The following SHISA9 variants were observed in gnomAD, a reference collection of about 807,000 sequenced individuals.
SHISA9 encodes the protein shisa family member 9.
A neutral mutation model predicts 38.0 loss-of-function variants in SHISA9; 13 were observed. The observed-to-expected ratio is 0.34, with a 90% CI of 0.22 to 0.54. SHISA9 has a LOEUF of 0.54. Ranked by LOEUF, SHISA9 falls within the 20% of genes least tolerant of loss-of-function variation. SHISA9 has a pLI of 0.91. For synonymous variants in SHISA9, 275 were observed against 242.0 expected (o/e 1.14, Z -1.27); for missense variants, 538 against 575.8 (o/e 0.93, Z 0.67).
At chr16:13,101,542 G>A (rs1486536163) in intron 2 of SHISA9, among the ~76,000 whole-genome samples, 2 of 152,218 alleles carry the variant, frequency 1.3e-5, no homozygotes, top group East Asian at 1.9e-4. Context: ...CAACAATCAT[G>A]TTGTGTTTGG....
chr16:13,274,555 T>G, the SHISA9 span, among the ~76,000 whole-genome samples: 1 of 152,276 alleles, frequency 6.6e-6, no homozygotes, highest in South Asian at 2.1e-4. Context: ...CTCTAGCAGC[T>G]GTGCAGTGAA....
chr16:13,018,510 G>T (rs1452015998), intron 2 of SHISA9, among the ~76,000 whole-genome samples: 3 of 152,206 alleles, frequency 2.0e-5, no homozygotes, highest in Admixed American at 6.5e-5. Flanking sequence ...GTAACTTTGA[G>T]CAAGATGTGG....
chr16:13,246,641 A>G, the SHISA9 span, among the ~76,000 whole-genome samples: 3 of 152,184 alleles, frequency 2.0e-5, no homozygotes, highest in Non-Finnish European at 4.4e-5. Context: ...TCTGAGCCTC[A>G]GTCAGCATGA....
At chr16:12,978,849 A>T (rs1163215493) in intron 2 of SHISA9, among the ~76,000 whole-genome samples, 1 of 152,212 alleles carries the variant, frequency 6.6e-6, no homozygotes, top group Non-Finnish European at 1.5e-5. Context: ...GTGAGACAAA[A>T]TACACCCAAG....
chr16:13,425,705 A>G, the SHISA9 span, among the ~76,000 whole-genome samples: 2 of 152,358 alleles, frequency 1.3e-5, no homozygotes, highest in African/African-American at 4.8e-5. Context: ...AAAGAGAAAG[A>G]ACCACTCATT....
At chr16:13,017,623 T>G (rs1337216937) in intron 2 of SHISA9, among the ~76,000 whole-genome samples, 1 of 152,216 alleles carries the variant, frequency 6.6e-6, no homozygotes, top group African/African-American at 2.4e-5. Context: ...CTGTGCTGAA[T>G]GCTTTCCATG....
chr16:13,355,902 G>A, the SHISA9 span, among the ~76,000 whole-genome samples: 4 of 152,310 alleles, frequency 2.6e-5, no homozygotes, highest in East Asian at 1.9e-4. Flanking sequence ...CAGGGGCTCC[G>A]GGAGTGGCTG....
chr16:13,491,279 A>T, the SHISA9 span, among the ~76,000 whole-genome samples: 16 of 152,162 alleles, frequency 1.1e-4, no homozygotes, highest in African/African-American at 3.9e-4. Context: ...GGTAACGAGG[A>T]TGACGGTGCC....
intron 2 of SHISA9, among the ~76,000 whole-genome samples, chr16:12,919,360 G>A (rs1453467713): frequency 2.6e-5 from 4 of 152,004 alleles, no homozygotes; most frequent in Non-Finnish European, 5.9e-5. Flanking sequence ...CACCAAGAAG[G>A]GCACGTCATG....
the SHISA9 span, among the ~76,000 whole-genome samples, chr16:13,356,403 T>C: frequency 6.6e-6 from 1 of 152,170 alleles, no homozygotes; most frequent in Non-Finnish European, 1.5e-5. Flanking sequence ...TAAACGCTTC[T>C]GATTTGGGAT....
At chr16:13,374,080 G>A in the SHISA9 span, among the ~76,000 whole-genome samples, 2 of 152,160 alleles carry the variant, frequency 1.3e-5, no homozygotes, top group Non-Finnish European at 1.5e-5. Flanking sequence ...CATAAGCTCT[G>A]GAGCAAGTAA....
At chr16:13,345,603 A>G in the SHISA9 span, among the ~76,000 whole-genome samples, 53 of 152,202 alleles carry the variant, frequency 3.5e-4, no homozygotes, top group Admixed American at 5.9e-4. Flanking sequence ...AATGATTTAT[A>G]TTCTATTATA....
At chr16:13,203,715 G>C (rs562180843) in intron 3 of SHISA9, among the ~76,000 whole-genome samples, 166 bp downstream of exon 3, 142 of 150,622 alleles carry the variant, frequency 9.4e-4, no homozygotes, top group Non-Finnish European at 1.6e-3. Flanking sequence ...TTCTCTCTCT[G>C]TCTATAAATA....
chr16:12,919,814 A>G (rs1196750426), intron 2 of SHISA9, among the ~76,000 whole-genome samples: 1 of 152,190 alleles, frequency 6.6e-6, no homozygotes, highest in African/African-American at 2.4e-5. Flanking sequence ...ATTGCCTAAA[A>G]ATATTTAGTC....
At chr16:13,551,000 G>A in the SHISA9 span, among the ~76,000 whole-genome samples, 8 of 152,078 alleles carry the variant, frequency 5.3e-5, no homozygotes, top group African/African-American at 1.4e-4. Flanking sequence ...GTGGGTGCCT[G>A]TAATCCCAGC....
the SHISA9 span, among the ~76,000 whole-genome samples, chr16:13,324,403 C>T: frequency 6.6e-6 from 1 of 152,082 alleles, no homozygotes; most frequent in South Asian, 2.1e-4. Context: ...CAGTTTCTAG[C>T]ATCTATTCTG....
intron 2 of SHISA9, among the ~76,000 whole-genome samples, chr16:12,954,677 C>T (rs2071804776): frequency 6.6e-6 from 1 of 152,018 alleles, no homozygotes; most frequent in Non-Finnish European, 1.5e-5. Flanking sequence ...TTATTTAATC[C>T]TAAAATATAT....
At chr16:13,032,792 C>T (rs1257033065) in intron 2 of SHISA9, among the ~76,000 whole-genome samples, 2 of 152,090 alleles carry the variant, frequency 1.3e-5, no homozygotes, top group South Asian at 2.1e-4. Flanking sequence ...AGCTGGAAGT[C>T]GATAGAGATC....
At chr16:13,440,800 T>G in the SHISA9 span, among the ~76,000 whole-genome samples, 1 of 151,858 alleles carries the variant, frequency 6.6e-6, no homozygotes, top group Non-Finnish European at 1.5e-5. Context: ...CGCGTGCCTG[T>G]AGTCCCAGCT....
Sources: allele counts gnomAD v4.1 joint callset (sites outside exome capture counted in the v4.1 genomes callset), GRCh38; gene constraint gnomAD v4.1.1; transcripts MANE v1.5; gene names NCBI Gene and HGNC (gene_info 2026-07-23, HGNC 2026-07-21).